The following SHOC1 variants were observed in gnomAD, a reference collection of about 807,000 sequenced individuals.
SHOC1 encodes protein shortage in chiasmata 1 ortholog.
In SHOC1, 136 loss-of-function variants were observed where a neutral mutation model predicts 179.2. The observed-to-expected ratio is 0.76, with a 90% CI of 0.66 to 0.87. SHOC1 has a LOEUF of 0.87. SHOC1 is among the 40% of genes least tolerant of loss of function. The pLI is 0.00. For synonymous variants in SHOC1, 489 were observed against 586.6 expected (o/e 0.83, Z 2.41); for missense variants, 1,538 against 1,700.8 (o/e 0.90, Z 1.68).
intron 5 of SHOC1, among the ~76,000 whole-genome samples, chr9:111,769,241 G>C (rs1835473116): frequency 6.6e-6 from 1 of 152,018 alleles, no homozygotes; most frequent in Non-Finnish European, 1.5e-5. Context: ...TCCTTGTCTG[G>C]TTTTGGTATC....
Position 111,775,818 on chromosome 9 carries a change from A to G in SHOC1, c.415T>C (p.Cys139Arg). ...TGGTTCTGGTTTTGAAGTGCTGAAC[A>G]TTTTTCTAAACAACTGACAGGGGTA... ...VFTPVSCLEKCSALQNQNQDL... is the reference protein window; with the variant it reads ...VFTPVSCLEKRSALQNQNQDL... Residue 139 changes from cysteine (C) to arginine (R), a missense_variant, in exon 5 of 28, where the codon TGT becomes CGT. Coordinates refer to ENST00000682961, the MANE Select transcript of SHOC1 (RefSeq NM_001378211.1). The G allele has an allele frequency of 6.2e-7, 1 of 1,609,070 alleles. No homozygotes were observed. The highest frequency in any genetic ancestry group is 8.5e-7 in the Non-Finnish European group (1 of 1,178,830).
intron 7 of SHOC1, 25 bp downstream of exon 7, chr9:111,758,059 T>C: frequency 8.2e-7 from 1 of 1,223,592 alleles, no homozygotes; most frequent in Non-Finnish European, 1.2e-6. Context: ...TTTACTAAAA[T>C]ATTATTGAAA....
At chr9:111,712,088 A>G (rs28624168) in intron 18 of SHOC1, among the ~76,000 whole-genome samples, 8,688 of 152,308 alleles carry the variant, frequency 0.057, 630 homozygotes, top group African/African-American at 0.17. Context: ...GCAATGTATC[A>G]GAATTTAAAG....
chr9:111,743,497 A>T (rs1408900367), intron 10 of SHOC1, among the ~76,000 whole-genome samples: 1 of 152,144 alleles, frequency 6.6e-6, no homozygotes, highest in Non-Finnish European at 1.5e-5. Context: ...TGTACTCACT[A>T]CCTGCCCATT....
chr9:111,767,827 TATG>T (rs1490968762), intron 5 of SHOC1, among the ~76,000 whole-genome samples: 3 of 152,194 alleles, frequency 2.0e-5, no homozygotes, highest in Non-Finnish European at 4.4e-5. Flanking sequence ...GAGTATGAAA[TATG>T]TATCTTTCCT....
chr9:111,742,471 G>C (rs1015253181), intron 10 of SHOC1, among the ~76,000 whole-genome samples: 1 of 143,690 alleles, frequency 7.0e-6, no homozygotes, highest in African/African-American at 2.8e-5. Context: ...GTCTGTGTAT[G>C]TGTGTTTAGG....
At chr9:111,718,109 T>A in intron 16 of SHOC1, 75 bp downstream of exon 16, 1 of 1,061,444 alleles carries the variant, frequency 9.4e-7, no homozygotes, top group Non-Finnish European at 1.4e-6. Flanking sequence ...AGGTGTATCT[T>A]TTTCAGAAAA....
At chr9:111,735,032 C>G (rs1266035829) in intron 12 of SHOC1, among the ~76,000 whole-genome samples, 1 of 152,056 alleles carries the variant, frequency 6.6e-6, no homozygotes, top group Non-Finnish European at 1.5e-5. Context: ...TATGAATACC[C>G]AATGTTTAGC....
chr9:111,737,034 G>A (rs924108183), intron 12 of SHOC1, among the ~76,000 whole-genome samples: 6 of 152,108 alleles, frequency 3.9e-5, no homozygotes, highest in Non-Finnish European at 7.4e-5. Context: ...CATTCAGAAT[G>A]GCTACTATTA....
chr9:111,706,814 G>C, intron 19 of SHOC1, 68 bp from the exon 20 acceptor site: 1 of 1,117,744 alleles, frequency 8.9e-7, no homozygotes, highest in Non-Finnish European at 1.2e-6. Flanking sequence ...ACTATTAAAA[G>C]ATGACTGTTT....
intron 27 of SHOC1, among the ~76,000 whole-genome samples, chr9:111,687,888 C>T (rs1239781722): frequency 6.6e-6 from 1 of 151,532 alleles, no homozygotes; most frequent in Non-Finnish European, 1.5e-5. Context: ...GGACATATTT[C>T]GTTTCAGGGA....
chr9:111,727,046 T>C (rs1401905150), intron 13 of SHOC1, among the ~76,000 whole-genome samples: 5 of 152,202 alleles, frequency 3.3e-5, no homozygotes, highest in Admixed American at 3.3e-4. Context: ...ATTGTTGTAT[T>C]TATTTCATCA....
intron 20 of SHOC1, 88 bp downstream of exon 20, chr9:111,706,480 A>G: frequency 9.9e-7 from 1 of 1,006,996 alleles, no homozygotes; most frequent in East Asian, 2.9e-5. Context: ...CTAATGTCAC[A>G]GCTTATTTTT....
At chr9:111,779,805 G>C (rs1480932925) in intron 4 of SHOC1, among the ~76,000 whole-genome samples, 1 of 152,006 alleles carries the variant, frequency 6.6e-6, no homozygotes, top group Admixed American at 6.6e-5. Flanking sequence ...AGATCCTCAG[G>C]GGATTCATAT....
intron 15 of SHOC1, among the ~76,000 whole-genome samples, chr9:111,721,985 G>C (rs1442755875): frequency 6.6e-6 from 1 of 152,038 alleles, no homozygotes; most frequent in Admixed American, 6.6e-5. Context: ...TTTTATCTTT[G>C]TCTTTTTTGT....
chr9:111,738,156 G>A (rs1833887402), intron 12 of SHOC1, 124 bp downstream of exon 12: 6 of 789,000 alleles, frequency 7.6e-6, no homozygotes, highest in Non-Finnish European at 1.1e-5. Context: ...TTCTGGCAGA[G>A]CCAGGGCCTA....
intron 15 of SHOC1, among the ~76,000 whole-genome samples, chr9:111,720,568 T>C (rs1032672596): frequency 6.6e-6 from 1 of 152,232 alleles, no homozygotes; most frequent in African/African-American, 2.4e-5. Context: ...TCCTCTCTTT[T>C]GAGAATGCTA....
chr9:111,702,860 A>C (rs933051527), intron 22 of SHOC1, among the ~76,000 whole-genome samples: 3 of 152,216 alleles, frequency 2.0e-5, no homozygotes, highest in African/African-American at 7.2e-5. Context: ...CTATAATCCC[A>C]GCACTTTGGG....
chr9:111,713,156 C>G lies in SHOC1; in HGVS notation c.2432G>C (p.Arg811Thr). ...ATGTTTTTCACCGTCTGAGTCCATT[C>G]TTATTATAATCAGTACCTAGTCAAA... is the stretch of plus-strand genomic sequence containing the variant. ...QQQIKVLIII[R>T]MDSDGEKHFL... The change falls in exon 18 of 28, where the codon AGA becomes ACA. Residue 811 changes from arginine to threonine, a missense_variant. Arg to Thr is a moderately conservative substitution (Grantham distance 71). Coordinates refer to ENST00000682961, the MANE Select transcript of SHOC1 (RefSeq NM_001378211.1). 1.9e-6 allele frequency: 3 copies of G among 1,557,538 alleles called. No homozygotes were observed. In the South Asian group the frequency reaches 3.4e-5, roughly 18 times the overall value.
Sources: gnomAD v4.1 joint callset for allele counts (sites outside exome capture counted in the v4.1 genomes callset) on GRCh38, gnomAD v4.1.1 for gene constraint, MANE v1.5 for transcripts, NCBI Gene and HGNC (gene_info 2026-07-23, HGNC 2026-07-21) for gene names.